Variants in LENG8 observed in about 807,000 individuals in gnomAD.
The protein encoded by LENG8 is leukocyte receptor cluster (LRC) member 8.
A neutral mutation model predicts 102.1 loss-of-function variants in LENG8; 28 were observed. That is an observed-to-expected ratio of 0.27 (90% confidence interval 0.20 to 0.38). LENG8 has a LOEUF of 0.38. Among genes scored for constraint, LENG8 ranks in the 10% least tolerant of loss-of-function variants. The pLI, the probability that LENG8 is intolerant of heterozygous loss-of-function variation, is 1.00. For synonymous variants in LENG8, 531 were observed against 456.7 expected, an observed-to-expected ratio of 1.16 and a Z score of -2.07; for missense variants, 1,022 against 1,113.9, an observed-to-expected ratio of 0.92 and a Z score of 1.17.
At position 54,460,882 on chromosome 19, in the gene LENG8, C is replaced by T. The variant is rs758983253; in HGVS notation, c.2357C>T (p.Ser786Phe). Residue 786 changes from serine to phenylalanine, a missense_variant, in exon 16 of 16, where the codon TCC (serine) becomes TTC (phenylalanine). By Grantham distance (155) the Ser-to-Phe change is radical. This residue lies in a region of LENG8 where 129 missense variants were observed against 123.0 expected (regional missense o/e 1.05). Transcript: ENST00000326764. ...LGLAYTGPDN[S>F]SIDCRLSLAQ... is the part of the protein sequence containing the mutation. The stretch of plus-strand genomic sequence containing the variant: ...CTGGCCTACACGGGCCCGGACAACT[C>T]CAGCATCGACTGCCGCCTCAGCCTG... 8.3e-6 allele frequency: 13 copies of T among 1,557,926 alleles called. No individual in the cohort carries two copies. Among genetic ancestry groups the T allele is most frequent in the Non-Finnish European group, 1.1e-5 (13 of 1,152,618 alleles).
rs1261453412 is a variant in LENG8 at position 54,458,511 on chromosome 19, A to G, written c.2230A>G (p.Met744Val). ...DRERKVALKA[M>V]IKTFRPALPV... ...GGAGCGCAAGGTCGCCCTCAAGGCC[A>G]TGATCAAAACGTATGTGGTGCCAAG... is the stretch of plus-strand genomic sequence containing the variant. The change falls in exon 15 of 16, where the codon ATG (methionine) becomes GTG (valine). Residue 744 changes from methionine (M) to valine (V), a missense_variant. Around this residue, in one of 7 missense-constraint regions of LENG8, gnomAD observed 129 missense variants for 123.0 expected, o/e 1.05. Coordinates refer to ENST00000326764, the MANE Select transcript of LENG8 (RefSeq NM_052925.4). 3.1e-6 allele frequency: 5 copies of G among 1,614,214 alleles called. No individual in the cohort carries two copies. The highest frequency in any genetic ancestry group is 1.6e-4 in the Middle Eastern group (1 of 6,062).
Position 54,453,458 on chromosome 19 carries a change from G to GGGATTGGTAGAA in LENG8, c.316-86_316-85insATTGGTAGAAGG, listed in dbSNP as rs1569291987. ...GAGAAAGGGGTGAGGGATTGGTAGA[G>GGGATTGGTAGAA]GGTCATGGCTGGTGTAGTTCCTGAG... is the stretch of plus-strand genomic sequence containing the variant. On this transcript the variant is annotated intron_variant, in intron 4 of 15. Transcript: ENST00000326764. The GGGATTGGTAGAA allele has an allele frequency of 2.2e-3, 1,778 of 801,636 alleles. 14 individuals are homozygous for GGGATTGGTAGAA. In the African/African-American group the frequency reaches 0.024, roughly 11 times the overall value. The allele number at this position is 801,636 out of a possible 1,614,324, so 49.7% of individuals were successfully genotyped here.
rs368615053 is a variant in LENG8 at position 54,458,454 on chromosome 19, T to A, written c.2173T>A (p.Ser725Thr). The change falls in exon 15 of 16, where the codon TCT becomes ACT. Residue 725 changes from serine to threonine, a missense_variant. By Grantham distance (58) the Ser-to-Thr change is moderately conservative. Around this residue, in one of 7 missense-constraint regions of LENG8, gnomAD observed 129 missense variants for 123.0 expected, o/e 1.05. Coordinates refer to ENST00000326764, the MANE Select transcript of LENG8 (RefSeq NM_052925.4). ...FRLYCHAPCM[S>T]GYLVDKFADR... ...GCTCTACTGCCATGCACCCTGCATG[T>A]CTGGCTACCTCGTGGACAAGTTTGC... 3 of 1,614,162 alleles carry A rather than the reference T, an allele frequency of 1.9e-6. No individual in the cohort carries two copies. Among genetic ancestry groups the A allele is most frequent in the African/African-American group, 1.3e-5 (1 of 74,966 alleles).
chr19:54,456,777 G>C lies in LENG8; in HGVS notation c.1587G>C (p.Leu529=). The change falls in exon 11 of 16, where the codon CTG becomes CTC. Residue 529 remains leucine (L), a synonymous_variant. Transcript: ENST00000326764. ...CCCGCCGCCTGCGCCTCGAGCCCCT[G>C]GTGCTGCAGATGAGCAGCCTGGAGA... ...GHSRRLRLEP[L]VLQMSSLESS... is the part of the protein sequence containing the mutation. 1 of 1,611,872 alleles carries C rather than the reference G, an allele frequency of 6.2e-7. No homozygotes were observed. The highest frequency in any genetic ancestry group is 8.5e-7 in the Non-Finnish European group (1 of 1,179,584).
chr19:54,460,323 GGTGA>G, intron 15 of LENG8: 1 of 1,232,544 alleles, frequency 8.1e-7, no homozygotes, highest in Non-Finnish European at 1.0e-6. Context: ...AGTGTGTAGT[GGTGA>G]GTGCTAGCTG....
chr19:54,459,686 C>T, intron 15 of LENG8: 2 of 1,023,588 alleles, frequency 2.0e-6, no homozygotes, highest in Non-Finnish European at 2.3e-6. Flanking sequence ...TAGGGAGGGA[C>T]TGTCAGCCTG....
At position 54,452,671 on chromosome 19, in the gene LENG8, C is replaced by G. The variant is rs369167160; in HGVS notation, c.234C>G (p.Ala78=). Residue 78 remains alanine, a synonymous_variant, in exon 4 of 16, where the codon GCC becomes GCG. Transcript: ENST00000326764. The stretch of plus-strand genomic sequence containing the variant: ...CACAGTACGTGTCCCAGGCAGAAGC[C>G]TCAGCTTTGCAGCAGCAGCAGTACT... ...ASAQYVSQAE[A]SALQQQQYYQ... is the part of the protein sequence containing the mutation. The G allele has an allele frequency of 6.2e-7, 1 of 1,614,072 alleles. No individual in the cohort carries two copies. The highest frequency in any genetic ancestry group is 8.5e-7 in the Non-Finnish European group (1 of 1,179,936).
chr19:54,452,554 C>A, intron 3 of LENG8, 97 bp from the exon 4 acceptor site: 1 of 990,236 alleles, frequency 1.0e-6, no homozygotes, highest in Non-Finnish European at 1.6e-6. Context: ...CAGTTTCATC[C>A]CTTGGCAATT....
rs1569289466 is a variant in LENG8, at chr19:54,452,119, G to A, written c.65G>A (p.Gly22Glu). The A allele has an allele frequency of 6.2e-7, 1 of 1,614,054 alleles. No homozygotes were observed. The highest frequency in any genetic ancestry group is 8.5e-7 in the Non-Finnish European group (1 of 1,179,964). The stretch of plus-strand genomic sequence containing the variant: ...TCTTCTCAGTACAGCATGGTGGCTG[G>A]GGCAGGCCGAGAGAATGGCATGGAG... ...DWSSQYSMVAGAGRENGMETP... is the reference protein window; with the variant it reads ...DWSSQYSMVAEAGRENGMETP... Residue 22 changes from glycine (G) to glutamate (E), a missense_variant, in exon 3 of 16, where the codon GGG becomes GAG. Gly to Glu is a moderately conservative substitution (Grantham distance 98, BLOSUM62 -2). Transcript: ENST00000326764.
intron 7 of LENG8, 82 bp downstream of exon 7, chr19:54,455,174 A>C: frequency 6.3e-7 from 1 of 1,583,610 alleles, no homozygotes. Flanking sequence ...CCAGCTGCCC[A>C]CCCTGAGCCT....
At position 54,460,586 on chromosome 19, in the gene LENG8, C is replaced by T. The variant is rs1600015254; in HGVS notation, c.2241-180C>T. 3 of 1,262,608 alleles carry T rather than the reference C, an allele frequency of 2.4e-6. No homozygotes were observed. In the South Asian group the frequency reaches 4.9e-5, roughly 21 times the overall value. The allele number at this position is 1,262,608 out of a possible 1,614,324, so 78.2% of individuals were successfully genotyped here. On this transcript the variant is annotated intron_variant, in intron 15 of 15. Transcript: ENST00000326764. ...GGGCACAGGGGACTGGGGTCACTAACCCCCCCCGGGCCCCCCCCGAGCCCC... is the reference window on the plus strand; with the variant it reads ...GGGCACAGGGGACTGGGGTCACTAATCCCCCCCGGGCCCCCCCCGAGCCCC...
chr19:54,452,253 G>C lies in LENG8; in HGVS notation c.199G>C (p.Val67Leu). 6.2e-7 allele frequency: 1 copy of C among 1,612,588 alleles called. No individual in the cohort carries two copies. Among genetic ancestry groups the C allele is most frequent in the Non-Finnish European group, 8.5e-7 (1 of 1,179,242 alleles). Residue 67 changes from valine to leucine, a missense_variant, in exon 3 of 16, where the codon GTG becomes CTG. Val to Leu is a conservative substitution (Grantham distance 32). Around this residue, in one of 7 missense-constraint regions of LENG8, gnomAD observed 343 missense variants for 320.2 expected, o/e 1.07. Transcript: ENST00000326764. ...TGCCAAGTCCAGCAGCAATGGGCCTGTGGCCAGTGCACAGGTGAGAAGGCC... is the reference window on the plus strand; with the variant it reads ...TGCCAAGTCCAGCAGCAATGGGCCTCTGGCCAGTGCACAGGTGAGAAGGCC... ...GSAKSSSNGP[V>L]ASAQYVSQAE...
Position 54,456,125 on chromosome 19 carries a change from G to A in LENG8, c.1184G>A (p.Gly395Asp). 1 of 1,611,008 alleles carries A rather than the reference G, an allele frequency of 6.2e-7. No homozygotes were observed. The highest frequency in any genetic ancestry group is 1.1e-5 in the South Asian group (1 of 90,798). ...GCTGGGGGTGCCGGTCGAGCCCGGG[G>A]CAACAGCTTCACCAAGTTTGGCAAC... Reference protein sequence around the residue: ...PGAGGAGRARGNSFTKFGNRN... With the variant: ...PGAGGAGRARDNSFTKFGNRN... The change falls in exon 9 of 16, where the codon GGC (glycine) becomes GAC (aspartate). Residue 395 changes from glycine (G) to aspartate (D), a missense_variant. Gly to Asp is a moderately conservative substitution (Grantham distance 94). Around this residue, in one of 7 missense-constraint regions of LENG8, gnomAD observed 326 missense variants for 324.5 expected, o/e 1.00. Coordinates refer to ENST00000326764, the MANE Select transcript of LENG8 (RefSeq NM_052925.4).
At chr19:54,459,173 A>G (rs1314732459) in intron 15 of LENG8, 2 of 1,211,890 alleles carry the variant, frequency 1.7e-6, no homozygotes, top group African/African-American at 3.1e-5. Context: ...ACGCTGGGCA[A>G]TGTCAAGAGA....
chr19:54,454,869 G>C, intron 6 of LENG8, 82 bp from the exon 7 acceptor site: 2 of 1,570,122 alleles, frequency 1.3e-6, no homozygotes, highest in Non-Finnish European at 1.7e-6. Flanking sequence ...GCTCCTCCCT[G>C]CATTTCCACT....
At position 54,455,528 on chromosome 19, in the gene LENG8, C is replaced by T. The variant is rs781781751; in HGVS notation, c.986C>T (p.Ser329Leu). ...EVLQARLQDG[S>L]AYTIDWSREP... ...CTGCAGGCGCGGCTGCAGGACGGCT[C>T]GGCCTATACCATTGACTGGAGCCGG... Residue 329 changes from serine to leucine, a missense_variant, in exon 8 of 16, where the codon TCG becomes TTG. By Grantham distance (145) the Ser-to-Leu change is moderately radical. Around this residue, in one of 7 missense-constraint regions of LENG8, gnomAD observed 326 missense variants for 324.5 expected, o/e 1.00. Coordinates refer to ENST00000326764, the MANE Select transcript of LENG8 (RefSeq NM_052925.4). The T allele has an allele frequency of 3.9e-5, 63 of 1,613,238 alleles. No homozygotes were observed. Among genetic ancestry groups the T allele is most frequent in the Non-Finnish European group, 5.3e-5 (62 of 1,179,898 alleles).
At chr19:54,460,097 G>A (rs1177317878) in intron 15 of LENG8, 2 of 1,289,780 alleles carry the variant, frequency 1.6e-6, no homozygotes, top group Admixed American at 4.6e-5. Flanking sequence ...GAGACGGAGT[G>A]GGCTCTGATC....
rs773047970 is a variant in LENG8, at chr19:54,458,632, C to T, written c.2240+111C>T. 25 of 1,561,070 alleles carry T rather than the reference C, an allele frequency of 1.6e-5. No individual in the cohort carries two copies. In the Middle Eastern group the frequency reaches 5.0e-4, roughly 31 times the overall value. On this transcript the variant is annotated intron_variant, in intron 15 of 15. Transcript: ENST00000326764. ...CCTCCCCCAGCCCCCAACCCTTGTC[C>T]TGGTCCTTGCTTCCCCATCATCTTT...
At chr19:54,452,395 C>T in intron 3 of LENG8, 128 bp downstream of exon 3, 2 of 894,582 alleles carry the variant, frequency 2.2e-6, no homozygotes, top group Non-Finnish European at 3.4e-6. Flanking sequence ...TCCAGGGTAT[C>T]TAAATCTGAA....
Sources: gnomAD v4.1 joint callset for allele counts on GRCh38, gnomAD v4.1.1 for gene constraint, gnomAD v4.1.1 regional missense constraint, MANE v1.5 for transcripts, NCBI Gene and HGNC (gene_info 2026-07-23, HGNC 2026-07-21) for gene names.